IRGM: variants seen among roughly 807,000 people sequenced by gnomAD.
IRGM encodes immunity-related GTPase family M protein.
For synonymous variants in IRGM, 98 were observed against 80.6 expected, an observed-to-expected ratio of 1.22 and a Z score of -1.16; for missense variants, 288 against 219.9, an observed-to-expected ratio of 1.31 and a Z score of -1.96.
At chr5:150,896,310 A>C (rs1287317082) in intron 3 of IRGM, 1 of 1,613,512 alleles carries the variant, frequency 6.2e-7, no homozygotes, top group Non-Finnish European at 8.5e-7. Flanking sequence ...AACAAGATGA[A>C]ACTTCTCACT....
At chr5:150,850,528 G>C (rs1451383215), downstream of IRGM, among the ~76,000 whole-genome samples, 2 of 152,090 alleles carry the variant, frequency 1.3e-5, no homozygotes, top group African/African-American at 4.8e-5. Context: ...AGGGGTAAGG[G>C]GTGAATAAAT....
intron 3 of IRGM, chr5:150,894,331 T>C (rs1754674383): frequency 6.6e-6 from 1 of 152,214 alleles, no homozygotes; most frequent in South Asian, 2.1e-4. Flanking sequence ...CCCTGTAAGT[T>C]TTCAGGGCAA....
chr5:150,874,112 C>A (rs1259700532), intron 1 of IRGM, among the ~76,000 whole-genome samples: 2 of 152,334 alleles, frequency 1.3e-5, no homozygotes, highest in African/African-American at 2.4e-5. Flanking sequence ...TTGGCAAATG[C>A]CTTTTTCTCC....
In IRGM at chr5:150,864,778, G is replaced by T. The variant is rs182576105; in HGVS notation, c.159-13202G>T. ...CCTGGCAAGAATGTAAGCCACTATTGTAAATGCAATTTCAATGGGTGTTTG... is the reference window on the plus strand; with the variant it reads ...CCTGGCAAGAATGTAAGCCACTATTTTAAATGCAATTTCAATGGGTGTTTG... On this transcript the variant is annotated intron_variant and NMD_transcript_variant, in intron 1 of 3. Transcript: ENST00000520549. 3.9e-3 allele frequency among the ~76,000 whole-genome samples: 594 copies of T among 152,300 alleles called. 9 individuals are homozygous for T. Among genetic ancestry groups the T allele is most frequent in the African/African-American group, 0.014 (562 of 41,556 alleles).
chr5:150,877,174 A>C (rs924448584), intron 1 of IRGM, among the ~76,000 whole-genome samples: 1 of 152,120 alleles, frequency 6.6e-6, no homozygotes, highest in Non-Finnish European at 1.5e-5. Flanking sequence ...TGTGATGGTT[A>C]ATATTGCCAA....
At chr5:150,898,391 T>C in intron 3 of IRGM, 2 of 1,613,288 alleles carry the variant, frequency 1.2e-6, no homozygotes, top group Non-Finnish European at 1.7e-6. Flanking sequence ...GGCACTTGAT[T>C]GGACAACTCT....
At chr5:150,873,846 T>A (rs1754326267) in intron 1 of IRGM, among the ~76,000 whole-genome samples, 1 of 152,124 alleles carries the variant, frequency 6.6e-6, no homozygotes, top group Non-Finnish European at 1.5e-5. Context: ...AAAAACAATA[T>A]CACATCCCTG....
Position 150,848,189 on chromosome 5 carries a change from C to A in IRGM, c.66C>A (p.Ile22=). The A allele has an allele frequency of 1.3e-6, 2 of 1,551,642 alleles. No individual in the cohort carries two copies. Among genetic ancestry groups the A allele is most frequent in the Non-Finnish European group, 1.7e-6 (2 of 1,146,862 alleles). The change falls in exon 2 of 2, where the codon ATC becomes ATA. Residue 22 remains isoleucine (I), a synonymous_variant. Coordinates refer to ENST00000522154, the MANE Select transcript of IRGM (RefSeq NM_001145805.2). ...ACTTGCCAGAGGTGATCTCTAACAT[C>A]AAGGAGACTCTGAAGATAGTGTCCA... ...DGNLPEVISN[I]KETLKIVSRT...
rs557746744 is a variant in IRGM, at chr5:150,899,396, G to A, written c.*141-1193G>A. Reference sequence around the variant, plus strand: ...TAATTAATGATTATAGAGCAGAAATGCCCTTTGTAAGTACATTTTTTTTTA... The same window carrying A: ...TAATTAATGATTATAGAGCAGAAATACCCTTTGTAAGTACATTTTTTTTTA... On this transcript the variant is annotated intron_variant and NMD_transcript_variant, in intron 3 of 3. Coordinates refer to the IRGM transcript ENST00000520549. Among the ~76,000 whole-genome samples the A allele has an allele frequency of 9.2e-5, 14 of 151,910 alleles. 1 individual carries two copies. In the South Asian group the frequency reaches 2.9e-3, roughly 32 times the overall value.
intron 1 of IRGM, among the ~76,000 whole-genome samples, chr5:150,854,110 A>AT (rs1754014617): frequency 6.6e-6 from 1 of 151,836 alleles, no homozygotes; most frequent in Admixed American, 6.6e-5. Context: ...TGTGGTTACC[A>AT]TGGAGGTTAC....
At chr5:150,879,289 T>C (rs766000961) in intron 2 of IRGM, among the ~76,000 whole-genome samples, 16 of 152,182 alleles carry the variant, frequency 1.1e-4, no homozygotes, top group Admixed American at 2.0e-4. Context: ...AAGTAAGAAA[T>C]GTAGATGAGG....
chr5:150,896,264 A>G, intron 3 of IRGM: 1 of 1,613,776 alleles, frequency 6.2e-7, no homozygotes, highest in Non-Finnish European at 8.5e-7. Flanking sequence ...CAGAACAATC[A>G]TAAGGTTTCT....
intron 3 of IRGM, chr5:150,896,302 CA>C: frequency 6.2e-7 from 1 of 1,613,522 alleles, no homozygotes; most frequent in South Asian, 1.1e-5. Context: ...TGATGTACAA[CA>C]AGATGAAACT....
At chr5:150,853,245 T>A (rs1299804545), downstream of IRGM, among the ~76,000 whole-genome samples, 1 of 152,154 alleles carries the variant, frequency 6.6e-6, no homozygotes. Flanking sequence ...ATTTTCCAGT[T>A]TTTCTTCTGA....
At chr5:150,900,645 T>TAC (rs1754963154) in exon 4 of IRGM, 7 of 152,248 alleles carry the variant, frequency 4.6e-5, no homozygotes, top group Admixed American at 2.6e-4. Context: ...AGCTAGCCAG[T>TAC]GCATATGACA....
At chr5:150,884,243 CTTATAT>C (rs948473495) in intron 3 of IRGM, among the ~76,000 whole-genome samples, 7 of 151,894 alleles carry the variant, frequency 4.6e-5, no homozygotes, top group Non-Finnish European at 7.4e-5. Flanking sequence ...ATACTTTATA[CTTATAT>C]TTATACTTTT....
rs539171916 is a variant in IRGM, at chr5:150,861,644, C to T, written c.158+12990C>T. ...AGGGAGATAACTTGCGATTTTTAGT[C>T]GCAGGTCTCTAGATTAAGTAATAGT... On this transcript the variant is annotated intron_variant and NMD_transcript_variant, in intron 1 of 3. Coordinates refer to the IRGM transcript ENST00000520549. Among the ~76,000 whole-genome samples, 11 of 152,062 alleles carry T rather than the reference C, an allele frequency of 7.2e-5. No individual in the cohort carries two copies. The East Asian group carries it at 1.7e-3, about 24-fold the overall frequency.
At position 150,848,627 on chromosome 5, in the gene IRGM, T is replaced by C. The variant is rs1363749240; in HGVS notation, c.504T>C (p.Asn168=). 6.5e-7 allele frequency: 1 copy of C among 1,545,504 alleles called. No homozygotes were observed. The highest frequency in any genetic ancestry group is 8.8e-7 in the Non-Finnish European group (1 of 1,142,268). ...PEVQLLQIRE[N]VLENLQKERV... Reference sequence around the variant, plus strand: ...TGCAGCTACTGCAGATCAGAGAAAATGTCCTGGAAAATCTCCAGAAGGAGC... The same window carrying C: ...TGCAGCTACTGCAGATCAGAGAAAACGTCCTGGAAAATCTCCAGAAGGAGC... Residue 168 remains asparagine, a synonymous_variant, in exon 2 of 2, where the codon AAT becomes AAC. Transcript: ENST00000522154.
downstream of IRGM, among the ~76,000 whole-genome samples, chr5:150,851,008 T>C (rs1753967058): frequency 6.6e-6 from 1 of 152,230 alleles, no homozygotes; most frequent in Admixed American, 6.5e-5. Context: ...GAAATGTGTT[T>C]GGAAATGTTA....
Sources: gnomAD v4.1 joint callset for allele counts (sites outside exome capture counted in the v4.1 genomes callset) on GRCh38, gnomAD v4.1.1 for gene constraint, MANE v1.5 for transcripts, NCBI Gene and HGNC (gene_info 2026-07-23, HGNC 2026-07-21) for gene names.